The following PNPLA7 variants were observed in gnomAD, a reference collection of about 807,000 sequenced individuals.
PNPLA7 encodes the protein patatin-like phospholipase domain-containing protein 7.
Under a neutral mutation model 161.7 loss-of-function variants are expected in PNPLA7, and 153 were observed. The ratio of observed to expected loss-of-function variants is 0.95; its 90% confidence interval spans 0.83 to 1.08. The LOEUF (loss-of-function observed/expected upper bound fraction) is 1.08, where lower values mean the gene tolerates loss of function less well. Ranked by LOEUF, PNPLA7 falls within the 50% of genes least tolerant of loss-of-function variation. PNPLA7 has a pLI of 0.00. For missense variants in PNPLA7, 1,739 were observed against 1,856.6 expected (o/e 0.94, Z 1.16); for synonymous variants, 809 against 782.1 (o/e 1.03, Z -0.57).
intron 25 of PNPLA7, 61 bp downstream of exon 25, chr9:137,477,973 C>T (rs528764728): frequency 5.9e-5 from 73 of 1,243,474 alleles, no homozygotes; most frequent in Middle Eastern, 2.2e-4. Context: ...TCCTAGCACC[C>T]GAGGGGGCGA....
chr9:137,536,070 G>A (rs1400668078), intron 8 of PNPLA7, among the ~76,000 whole-genome samples: 3 of 150,016 alleles, frequency 2.0e-5, no homozygotes, highest in Non-Finnish European at 3.0e-5. Flanking sequence ...GGAGAATGGC[G>A]TGAACCCAGG....
chr9:137,473,046 G>T (rs376458742), intron 25 of PNPLA7, among the ~76,000 whole-genome samples: 1 of 152,168 alleles, frequency 6.6e-6, no homozygotes, highest in African/African-American at 2.4e-5. Flanking sequence ...AGGAGCAGAG[G>T]CACATCTTAC....
intron 25 of PNPLA7, among the ~76,000 whole-genome samples, chr9:137,475,682 G>GTT (rs547086173): frequency 2.1e-5 from 3 of 144,776 alleles, no homozygotes; most frequent in African/African-American, 5.0e-5. Context: ...CTGAGAACCT[G>GTT]TTTTTTTTTT....
Position 137,523,406 on chromosome 9 carries a change from G to A in PNPLA7, c.748-549C>T, listed in dbSNP as rs1835136596. Among the ~76,000 whole-genome samples the A allele has an allele frequency of 6.6e-6, 1 of 152,176 alleles. No individual in the cohort carries two copies. The highest frequency in any genetic ancestry group is 6.5e-5 in the Admixed American group (1 of 15,288). On this transcript the variant is annotated intron_variant, in intron 8 of 34. Transcript: ENST00000406427. This position sits in a 1 kb window ranked among gnomAD's most constrained non-coding sequence, Gnocchi z 4.4. ...GAGGAGCCACAGTGGCTCACCGCGT[G>A]GATGTGGCCAGCAGAGCTCCACACG...
At chr9:137,512,159 T>C (rs1158434935) in intron 12 of PNPLA7, among the ~76,000 whole-genome samples, 2 of 152,242 alleles carry the variant, frequency 1.3e-5, no homozygotes, top group Non-Finnish European at 2.9e-5. Context: ...CAAGGCCCTG[T>C]AGGGCTGGAC....
At chr9:137,474,452 C>T (rs1203292607) in intron 25 of PNPLA7, among the ~76,000 whole-genome samples, 1 of 152,104 alleles carries the variant, frequency 6.6e-6, no homozygotes, top group African/African-American at 2.4e-5. Context: ...CACCAACAGG[C>T]GCCTCGTGGA....
chr9:137,492,921 G>A (rs978715394), intron 20 of PNPLA7, 92 bp downstream of exon 20: 1 of 1,118,744 alleles, frequency 8.9e-7, no homozygotes, highest in Non-Finnish European at 1.3e-6. Context: ...CGGGGCCATG[G>A]GCTGGGAGGG....
intron 12 of PNPLA7, among the ~76,000 whole-genome samples, chr9:137,510,568 C>T (rs981711871): frequency 7.2e-5 from 11 of 152,190 alleles, no homozygotes; most frequent in Middle Eastern, 3.2e-3. Flanking sequence ...CACTCTTTAC[C>T]CTGCCCCTTC....
At chr9:137,513,055 GAC>G (rs377560077) in intron 12 of PNPLA7, among the ~76,000 whole-genome samples, 265 of 152,072 alleles carry the variant, frequency 1.7e-3, no homozygotes, top group African/African-American at 5.7e-3. Context: ...AGAGAGAGAT[GAC>G]AGATTGTTTT....
chr9:137,495,343 T>A (rs1832996650), intron 18 of PNPLA7, among the ~76,000 whole-genome samples, 197 bp from the exon 19 acceptor site: 1 of 152,046 alleles, frequency 6.6e-6, no homozygotes, highest in Admixed American at 6.5e-5. Flanking sequence ...AGGTGCCCCC[T>A]AGCAACCCAG....
intron 20 of PNPLA7, among the ~76,000 whole-genome samples, chr9:137,487,616 C>G (rs1038768857): frequency 2.0e-5 from 3 of 152,218 alleles, no homozygotes; most frequent in Non-Finnish European, 4.4e-5. Flanking sequence ...GCCTACACAG[C>G]CTTTGTGATA....
At chr9:137,534,400 A>AGT (rs1835775490) in intron 8 of PNPLA7, among the ~76,000 whole-genome samples, 2 of 148,258 alleles carry the variant, frequency 1.3e-5, no homozygotes, top group East Asian at 4.0e-4. Flanking sequence ...CTCCTCCCCA[A>AGT]CAGTGTCCAC....
chr9:137,479,441 G>C, intron 23 of PNPLA7: 1 of 1,277,848 alleles, frequency 7.8e-7, no homozygotes, highest in East Asian at 3.0e-5. Context: ...CTGTGTGCTG[G>C]GCAAGGTCAG....
chr9:137,494,726 C>A (rs1832951751), intron 19 of PNPLA7, among the ~76,000 whole-genome samples: 1 of 150,682 alleles, frequency 6.6e-6, no homozygotes. Flanking sequence ...GCTCTGCGCC[C>A]TCACCAGCTC....
Position 137,500,895 on chromosome 9 carries a change from T to C in PNPLA7, c.1553A>G (p.Asp518Gly). 1 of 1,564,808 alleles carries C rather than the reference T, an allele frequency of 6.4e-7. No homozygotes were observed. The highest frequency in any genetic ancestry group is 1.3e-5 in the African/African-American group (1 of 74,378). The part of the protein sequence containing the change: ...GTVVSRQGDQ[D>G]ASILFVVSGL... ...CGAGACCACGAACAGGATGCTGGCG[T>C]CCTGACACACGAGAGGGCTCAGGAG... The change falls in exon 16 of 35, where the codon GAC becomes GGC. Residue 518 changes from aspartate to glycine, a missense_variant and splice_region_variant. Transcript: ENST00000406427. This position sits in a 1 kb window ranked among gnomAD's most constrained non-coding sequence, Gnocchi z 5.5.
At chr9:137,485,176 C>G (rs1285418023) in intron 20 of PNPLA7, among the ~76,000 whole-genome samples, 1 of 152,278 alleles carries the variant, frequency 6.6e-6, no homozygotes. Context: ...GCAGGTCTGA[C>G]CAGCACTGGT....
intron 11 of PNPLA7, among the ~76,000 whole-genome samples, chr9:137,518,326 C>G (rs1212881682): frequency 5.3e-5 from 6 of 112,486 alleles, no homozygotes; most frequent in Admixed American, 1.6e-4. Context: ...CCATCCCCCA[C>G]TCACTCACTC....
chr9:137,467,308 C>T lies in PNPLA7; in HGVS notation c.3039+9G>A. On this transcript the variant is annotated intron_variant, in intron 26 of 34. Transcript: ENST00000406427. This position sits in a 1 kb window ranked among gnomAD's most constrained non-coding sequence, Gnocchi z 5.1. ...TGTGCTCCGGTGAGGGTGATGGGTG[C>T]CTGCTTACCTCGGCCCACTGCTTGG... The T allele has an allele frequency of 6.2e-7, 1 of 1,609,626 alleles. No homozygotes were observed. The highest frequency in any genetic ancestry group is 8.5e-7 in the Non-Finnish European group (1 of 1,177,986).
chr9:137,462,482 C>T (rs1482885985), intron 30 of PNPLA7, 151 bp from the exon 31 acceptor site: 1 of 1,407,214 alleles, frequency 7.1e-7, no homozygotes, highest in Middle Eastern at 2.6e-4. Context: ...GGGGTCCTCC[C>T]TGCGGGCTGC....
Sources: allele counts gnomAD v4.1 joint callset (sites outside exome capture counted in the v4.1 genomes callset), GRCh38; gene constraint gnomAD v4.1.1; non-coding constraint Gnocchi (gnomAD v3.1); transcripts MANE v1.5; gene names NCBI Gene and HGNC (gene_info 2026-07-23, HGNC 2026-07-21).